Variants in RSL24D1 observed in about 807,000 individuals in gnomAD.
RSL24D1 encodes ribosomal L24 domain containing 1, also known as probable ribosome biogenesis protein RLP24.
A neutral mutation model predicts 26.2 loss-of-function variants in RSL24D1; 6 were observed. The observed-to-expected ratio is 0.23, with a 90% CI of 0.13 to 0.45. The LOEUF is 0.45. Ranked by LOEUF, RSL24D1 falls within the 20% of genes least tolerant of loss-of-function variation. The pLI, the probability that RSL24D1 is intolerant of heterozygous loss-of-function variation, is 0.99. For synonymous variants in RSL24D1, 61 were observed against 59.1 expected (o/e 1.03, Z -0.15); for missense variants, 176 against 202.6 (o/e 0.87, Z 0.80).
intron 5 of RSL24D1, 94 bp downstream of exon 5, chr15:55,183,221 A>T: frequency 1.2e-6 from 1 of 815,520 alleles, no homozygotes; most frequent in South Asian, 1.8e-5. Flanking sequence ...TAAATTTACT[A>T]TGAAAGATAA....
chr15:55,183,268 C>G, intron 5 of RSL24D1, 47 bp downstream of exon 5: 2 of 1,397,144 alleles, frequency 1.4e-6, no homozygotes, highest in Non-Finnish European at 2.0e-6. Context: ...TAGTTGGTAC[C>G]CAAATACACA....
At chr15:55,185,271 C>T in intron 4 of RSL24D1, 91 bp downstream of exon 4, 1 of 944,206 alleles carries the variant, frequency 1.1e-6, no homozygotes, top group Non-Finnish European at 1.5e-6. Flanking sequence ...GAAGTTATGT[C>T]AAAATAAAAA....
chr15:55,192,588 G>T, intron 2 of RSL24D1, 132 bp downstream of exon 2: 1 of 564,698 alleles, frequency 1.8e-6, no homozygotes, highest in Non-Finnish European at 3.2e-6. Flanking sequence ...TATTTCCACA[G>T]CCAAATACAA....
At chr15:55,183,996 A>G (rs543080724) in intron 4 of RSL24D1, among the ~76,000 whole-genome samples, 2 of 152,344 alleles carry the variant, frequency 1.3e-5, no homozygotes, top group South Asian at 2.1e-4. Flanking sequence ...CTGTTATATA[A>G]TTTTTAAAAA....
At chr15:55,184,479 A>G (rs1894203044) in intron 4 of RSL24D1, among the ~76,000 whole-genome samples, 1 of 152,208 alleles carries the variant, frequency 6.6e-6, no homozygotes, top group East Asian at 1.9e-4. Context: ...GAGAAAATCA[A>G]CTAAAAAATG....
intron 3 of RSL24D1, 53 bp downstream of exon 3, chr15:55,190,922 A>G (rs1166383120): frequency 9.4e-6 from 11 of 1,173,068 alleles, no homozygotes; most frequent in Non-Finnish European, 1.4e-5. Flanking sequence ...AAGTTATAGT[A>G]TTATCCCAAA....
chr15:55,196,698 C>A, intron 1 of RSL24D1, 112 bp downstream of exon 1: 1 of 993,816 alleles, frequency 1.0e-6, no homozygotes. Context: ...AGGGGAACAA[C>A]GGGAGGAACC....
chr15:55,195,991 G>C (rs770408733), intron 1 of RSL24D1, among the ~76,000 whole-genome samples: 1 of 152,158 alleles, frequency 6.6e-6, no homozygotes, highest in African/African-American at 2.4e-5. Context: ...AGAAGCAAAC[G>C]TAAGAGATCA....
chr15:55,186,389 C>T (rs1261347629), intron 3 of RSL24D1, among the ~76,000 whole-genome samples: 1 of 152,142 alleles, frequency 6.6e-6, no homozygotes, highest in Non-Finnish European at 1.5e-5. Context: ...GCAGACACCA[C>T]CTTAACCTAA....
At chr15:55,195,010 G>T (rs1315579917) in intron 1 of RSL24D1, among the ~76,000 whole-genome samples, 1 of 131,336 alleles carries the variant, frequency 7.6e-6, no homozygotes, top group Admixed American at 8.1e-5. Flanking sequence ...GCAATAGACA[G>T]TGAGACCCTG....
At position 55,182,047 on chromosome 15, in the gene RSL24D1, G is replaced by A. The variant is rs562019218; in HGVS notation, c.*105C>T. ...AATGCAGGAAAGATGTCTTTTAATC[G>A]CTTTTCATTTAAGTGACCTTATGTA... is the stretch of plus-strand genomic sequence containing the variant. On this transcript the variant is annotated 3_prime_UTR_variant, in exon 6 of 6. Coordinates refer to ENST00000260443, the MANE Select transcript of RSL24D1 (RefSeq NM_016304.3). The A allele has an allele frequency of 1.3e-5, 9 of 678,310 alleles. No individual in the cohort carries two copies. The highest frequency in any genetic ancestry group is 1.8e-5 in the South Asian group (1 of 54,198). The allele number at this position is 678,310 out of a possible 1,614,324, so 42.0% of individuals were successfully genotyped here.
At chr15:55,183,567 C>T (rs752500884) in intron 4 of RSL24D1, among the ~76,000 whole-genome samples, 167 bp from the exon 5 acceptor site, 42 of 152,234 alleles carry the variant, frequency 2.8e-4, no homozygotes, top group Non-Finnish European at 5.0e-4. Context: ...CTCCCCACAA[C>T]GCCCCCCATC....
chr15:55,190,550 AAAG>A (rs776004050), intron 3 of RSL24D1, among the ~76,000 whole-genome samples: 9 of 152,202 alleles, frequency 5.9e-5, no homozygotes, highest in Non-Finnish European at 1.0e-4. Context: ...TTTTAATTTT[AAAG>A]AAGCACTGAA....
rs1894162283 is a variant in RSL24D1 at position 55,181,189 on chromosome 15, G to A, written c.*963C>T. The A allele has an allele frequency of 6.6e-6, 1 of 152,168 alleles. No homozygotes were observed. Among genetic ancestry groups the A allele is most frequent in the African/African-American group, 2.4e-5 (1 of 41,446 alleles). 9.4% of individuals were successfully genotyped at this position (152,168 alleles called of 1,614,324 possible). A position where few individuals can be genotyped will look rare whatever the true frequency, so the allele number is the denominator to read the frequency against. On this transcript the variant is annotated 3_prime_UTR_variant, in exon 6 of 6. Transcript: ENST00000260443. ...AAAAACACAAAACATTAAGTATTAA[G>A]TATCTATTTCTCTTTAATTAAATGT... is the stretch of plus-strand genomic sequence containing the variant.
In RSL24D1 at chr15:55,181,767, T is replaced by C. The variant is rs537299909; in HGVS notation, c.*385A>G. On this transcript the variant is annotated 3_prime_UTR_variant, in exon 6 of 6. Coordinates refer to ENST00000260443, the MANE Select transcript of RSL24D1 (RefSeq NM_016304.3). ...GTTCCTTTTTGTATCCCCCCTTCTATAACATTAACAAAGGGAATATTTTAC... is the reference window on the plus strand; with the variant it reads ...GTTCCTTTTTGTATCCCCCCTTCTACAACATTAACAAAGGGAATATTTTAC... 1.6e-4 allele frequency: 26 copies of C among 160,452 alleles called. No individual in the cohort carries two copies. The South Asian group carries it at 2.5e-3, about 15-fold the overall frequency. 9.9% of individuals were successfully genotyped at this position (160,452 alleles called of 1,614,324 possible).
chr15:55,191,147 C>T (rs914575338), intron 2 of RSL24D1, 100 bp from the exon 3 acceptor site: 227 of 807,748 alleles, frequency 2.8e-4, no homozygotes, highest in Non-Finnish European at 1.9e-4. Flanking sequence ...TCTAAATGAA[C>T]ATACACCTAG....
At chr15:55,191,101 A>T in intron 2 of RSL24D1, 54 bp from the exon 3 acceptor site, 1 of 1,264,872 alleles carries the variant, frequency 7.9e-7, no homozygotes, top group Non-Finnish European at 1.1e-6. Flanking sequence ...GGTAGAAAGG[A>T]AACATTTCTT....
intron 3 of RSL24D1, among the ~76,000 whole-genome samples, chr15:55,188,477 TGTAATA>T (rs1894247697): frequency 6.6e-6 from 1 of 152,200 alleles, no homozygotes; most frequent in African/African-American, 2.4e-5. Flanking sequence ...AATGAGACTC[TGTAATA>T]AAACCTAACA....
At chr15:55,191,197 A>C (rs901959477) in intron 2 of RSL24D1, 150 bp from the exon 3 acceptor site, 4 of 577,588 alleles carry the variant, frequency 6.9e-6, no homozygotes, top group Non-Finnish European at 1.2e-5. Flanking sequence ...TAGGTTTTCA[A>C]ATTTTTTCTC....
Sources: allele counts gnomAD v4.1 joint callset (sites outside exome capture counted in the v4.1 genomes callset), GRCh38; gene constraint gnomAD v4.1.1; transcripts MANE v1.5; gene names NCBI Gene and HGNC (gene_info 2026-07-23, HGNC 2026-07-21).